Variants in DNAH8 observed in about 807,000 individuals in gnomAD.
DNAH8 encodes dynein axonemal heavy chain 8.
In DNAH8, 382 loss-of-function variants were observed where a neutral mutation model predicts 562.1. The ratio of observed to expected loss-of-function variants is 0.68; its 90% CI spans 0.63 to 0.74. The LOEUF is 0.74. Ranked by LOEUF, DNAH8 falls within the 30% of genes least tolerant of loss-of-function variation. The pLI, the probability that DNAH8 is intolerant of heterozygous loss-of-function variation, is 0.00. For synonymous variants in DNAH8, 1,881 were observed against 1,919.4 expected (o/e 0.98, Z 0.52); for missense variants, 5,203 against 5,620.4 (o/e 0.93, Z 2.37).
chr6:38,904,840 A>T (rs1457594997), intron 62 of DNAH8, among the ~76,000 whole-genome samples: 2 of 151,874 alleles, frequency 1.3e-5, no homozygotes, highest in African/African-American at 4.8e-5. Flanking sequence ...TTAAGACATG[A>T]AAAGTGGCAA....
chr6:38,854,182 C>T (rs1016551661), intron 41 of DNAH8, among the ~76,000 whole-genome samples: 1 of 152,030 alleles, frequency 6.6e-6, no homozygotes, highest in African/African-American at 2.4e-5. Flanking sequence ...TAAAAATGGA[C>T]ATAAATTGTT....
At chr6:38,743,007 CTTT>C (rs11340457) in intron 8 of DNAH8, among the ~76,000 whole-genome samples, 7 of 52,002 alleles carry the variant, frequency 1.3e-4, no homozygotes, top group Non-Finnish European at 1.8e-4. Context: ...TGTTGTTGTG[CTTT>C]TTTTTTTTTT....
At chr6:38,945,720 CTG>C in intron 80 of DNAH8, 132 bp downstream of exon 80, 1 of 1,170,322 alleles carries the variant, frequency 8.5e-7, no homozygotes, top group Non-Finnish European at 1.2e-6. Context: ...ATTTGAGGCT[CTG>C]TGGCTGTCTG....
At chr6:38,758,837 A>T (rs1766192625) in intron 10 of DNAH8, among the ~76,000 whole-genome samples, 1 of 151,898 alleles carries the variant, frequency 6.6e-6, no homozygotes, top group Non-Finnish European at 1.5e-5. Flanking sequence ...ATGTTTATTG[A>T]TTTGTGTACG....
chr6:38,788,139 A>G (rs1469244582), intron 18 of DNAH8, among the ~76,000 whole-genome samples: 2 of 141,880 alleles, frequency 1.4e-5, no homozygotes, highest in Non-Finnish European at 3.1e-5. Flanking sequence ...TAATAAATAA[A>G]TTTCAGACTT....
intron 80 of DNAH8, among the ~76,000 whole-genome samples, chr6:38,947,016 A>G (rs182780512): frequency 4.5e-4 from 68 of 152,296 alleles, no homozygotes; most frequent in African/African-American, 1.2e-3. Context: ...ACTGCTTACT[A>G]TGGGATAGGT....
intron 89 of DNAH8, among the ~76,000 whole-genome samples, chr6:39,009,352 G>A (rs891679934): frequency 6.6e-5 from 10 of 151,796 alleles, no homozygotes; most frequent in African/African-American, 2.4e-4. Flanking sequence ...AATGGTGTTG[G>A]TCATTTGGTA....
At chr6:38,761,027 C>T (rs1449711136) in intron 10 of DNAH8, among the ~76,000 whole-genome samples, 1 of 151,492 alleles carries the variant, frequency 6.6e-6, no homozygotes, top group Admixed American at 6.6e-5. Flanking sequence ...TTTTTTTCTT[C>T]CATCTTTGCC....
chr6:38,979,605 A>G (rs996999423), intron 85 of DNAH8, among the ~76,000 whole-genome samples: 2 of 152,230 alleles, frequency 1.3e-5, no homozygotes, highest in Non-Finnish European at 2.9e-5. Flanking sequence ...TAATCAGTTT[A>G]TGACTTTAGT....
intron 22 of DNAH8, among the ~76,000 whole-genome samples, chr6:38,804,789 G>GAA (rs3047872): frequency 2.7e-5 from 3 of 110,124 alleles, no homozygotes; most frequent in African/African-American, 9.9e-5. Flanking sequence ...GAGAGAGAGA[G>GAA]AAAGAGAAAA....
Position 38,838,058 on chromosome 6 carries a change from A to G in DNAH8, c.4466+16A>G. ...ACAAAACCAGGTAAGTTTAGAAAAT[A>G]AGCAAGTATTACATGCAAATAATTA... On this transcript the variant is annotated intron_variant, in intron 33 of 92. Transcript: ENST00000327475. 1 of 1,508,982 alleles carries G rather than the reference A, an allele frequency of 6.6e-7. No homozygotes were observed. The highest frequency in any genetic ancestry group is 9.2e-7 in the Non-Finnish European group (1 of 1,091,814). 93.5% of individuals were successfully genotyped at this position (1,508,982 alleles called of 1,614,324 possible). A position where few individuals can be genotyped will look rare whatever the true frequency, so the allele number is the denominator to read the frequency against.
At chr6:38,929,805 T>C in intron 75 of DNAH8, 139 bp downstream of exon 75, 1 of 741,980 alleles carries the variant, frequency 1.3e-6, no homozygotes, top group Non-Finnish European at 2.0e-6. Flanking sequence ...CAAATGCAAT[T>C]TCCTTTAGGC....
intron 36 of DNAH8, among the ~76,000 whole-genome samples, chr6:38,846,856 G>T (rs1678741): frequency 0.21 from 32,216 of 152,074 alleles, 4,276 homozygotes; most frequent in African/African-American, 0.37. Context: ...ATAACCTGAT[G>T]AGTAAAATAC....
chr6:38,940,066 C>G (rs1482418553), intron 79 of DNAH8, among the ~76,000 whole-genome samples: 1 of 152,094 alleles, frequency 6.6e-6, no homozygotes, highest in African/African-American at 2.4e-5. Flanking sequence ...TTTTCTTGAT[C>G]TGGGAAGAAA....
At chr6:38,906,457 T>A in intron 63 of DNAH8, 50 bp downstream of exon 63, 1 of 1,377,826 alleles carries the variant, frequency 7.3e-7, no homozygotes, top group Non-Finnish European at 9.6e-7. Flanking sequence ...ATATAAATTA[T>A]ATTGGAATAG....
intron 60 of DNAH8, among the ~76,000 whole-genome samples, chr6:38,897,284 A>G (rs897152056): frequency 2.0e-5 from 3 of 152,230 alleles, no homozygotes; most frequent in African/African-American, 7.2e-5. Context: ...TTTTATTGAA[A>G]CACCCATTGG....
chr6:38,848,195 A>G (rs1775449629), intron 36 of DNAH8, among the ~76,000 whole-genome samples: 1 of 152,184 alleles, frequency 6.6e-6, no homozygotes. Context: ...AAGACCATTC[A>G]TAAAAGGAAA....
intron 62 of DNAH8, among the ~76,000 whole-genome samples, chr6:38,903,003 C>A (rs1257919217): frequency 1.3e-5 from 2 of 152,104 alleles, no homozygotes; most frequent in Admixed American, 6.5e-5. Flanking sequence ...TGTACCTTTT[C>A]TATGGTTAGG....
Position 38,814,053 on chromosome 6 carries a change from G to A in DNAH8, c.3258-1G>A. ...TCAGCTAAATGTCCATCTCATTGCA[G>A]CCTTTATGGGCGAAAGCAGTCAGAA... is the stretch of plus-strand genomic sequence containing the variant. On this transcript the variant is annotated splice_acceptor_variant, in intron 24 of 92. Coordinates refer to ENST00000327475, the MANE Select transcript of DNAH8 (RefSeq NM_001206927.2). LOFTEE classifies it high-confidence loss of function. 3 of 1,585,372 alleles carry A rather than the reference G, an allele frequency of 1.9e-6. No homozygotes were observed. The highest frequency in any genetic ancestry group is 2.6e-6 in the Non-Finnish European group (3 of 1,156,906).
Sources: gnomAD v4.1 joint callset for allele counts (sites outside exome capture counted in the v4.1 genomes callset) on GRCh38, gnomAD v4.1.1 for gene constraint, MANE v1.5 for transcripts, NCBI Gene and HGNC (gene_info 2026-07-23, HGNC 2026-07-21) for gene names.